The following NECAP2 variants were observed in gnomAD, a reference collection of about 807,000 sequenced individuals.
The protein encoded by NECAP2 is NECAP endocytosis associated 2.
A neutral mutation model predicts 37.8 loss-of-function variants in NECAP2; 38 were observed. The ratio of observed to expected loss-of-function variants is 1.01; its 90% confidence interval spans 0.78 to 1.32. The LOEUF (loss-of-function observed/expected upper bound fraction) is 1.32. NECAP2 is among the 40% of genes most tolerant of loss of function. The pLI, the probability that NECAP2 is intolerant of heterozygous loss-of-function variation, is 0.00. For missense variants in NECAP2, 316 were observed against 334.5 expected (o/e 0.94, Z 0.43); for synonymous variants, 121 against 127.7 (o/e 0.95, Z 0.35).
In NECAP2 at chr1:16,458,841, G is replaced by C. The variant is rs778634314; in HGVS notation, c.744-1G>C. On this transcript the variant is annotated splice_acceptor_variant, in intron 7 of 7. Coordinates refer to ENST00000337132, the MANE Select transcript of NECAP2 (RefSeq NM_018090.5). LOFTEE classifies it high-confidence loss of function. ...CACCCTTCCCTGTCTTCTCTTTACAGATCAACTTCCAGCCAGACCCAGCCA... is the reference window on the plus strand; with the variant it reads ...CACCCTTCCCTGTCTTCTCTTTACACATCAACTTCCAGCCAGACCCAGCCA... 1.2e-6 allele frequency: 2 copies of C among 1,613,394 alleles called. No individual in the cohort carries two copies. Among genetic ancestry groups the C allele is most frequent in the South Asian group, 1.1e-5 (1 of 91,002 alleles).
rs553360398 is a variant in NECAP2 at position 16,448,130 on chromosome 1, G to A, written c.369G>A (p.Gln123=). The change falls in exon 4 of 8, where the codon CAG becomes CAA. Residue 123 remains glutamine, a synonymous_variant. Transcript: ENST00000337132. The part of the protein sequence containing the change: ...GDAFDFNVAL[Q]DHFKWVKQQC... ...CCTTTGACTTCAATGTTGCATTGCA[G>A]GACCATTTCAAGTGAGTGGGTCTGG... The A allele has an allele frequency of 8.7e-6, 14 of 1,614,068 alleles. No individual in the cohort carries two copies. In the East Asian group the frequency reaches 3.1e-4, roughly 36 times the overall value.
chr1:16,440,954 G>T, intron 1 of NECAP2, 101 bp downstream of exon 1: 1 of 927,338 alleles, frequency 1.1e-6, no homozygotes, highest in Non-Finnish European at 1.7e-6. Context: ...GGCCAGTTTT[G>T]GGGCGAGGGG....
intron 1 of NECAP2, among the ~76,000 whole-genome samples, chr1:16,442,175 T>C (rs1363901531): frequency 2.0e-5 from 3 of 152,092 alleles, no homozygotes; most frequent in Non-Finnish European, 4.4e-5. Flanking sequence ...ATGAGATTTC[T>C]CCATGTTGGT....
chr1:16,455,385 T>C (rs2086901920), intron 6 of NECAP2: 1 of 177,112 alleles, frequency 5.6e-6, no homozygotes, highest in African/African-American at 2.3e-5. Flanking sequence ...CATCCAGACA[T>C]GGTAGTGCAG....
rs1028058171 is a variant in NECAP2, at chr1:16,448,385, A to C, written c.380+244A>C. 9.1e-6 allele frequency: 5 copies of C among 551,174 alleles called. No individual in the cohort carries two copies. In the African/African-American group the frequency reaches 9.5e-5, roughly 10 times the overall value. 34.1% of individuals were successfully genotyped at this position (551,174 alleles called of 1,614,324 possible). A position where few individuals can be genotyped will look rare whatever the true frequency, so the allele number is the denominator to read the frequency against. Reference sequence around the variant, plus strand: ...GGCCTGCCACCTGTCTCCCCTTACCAGTCCCCTGAGCAGCCAGAGTCCTCA... The same window carrying C: ...GGCCTGCCACCTGTCTCCCCTTACCCGTCCCCTGAGCAGCCAGAGTCCTCA... On this transcript the variant is annotated intron_variant, in intron 4 of 7. Coordinates refer to ENST00000337132, the MANE Select transcript of NECAP2 (RefSeq NM_018090.5).
chr1:16,450,774 C>T (rs1408318039), intron 5 of NECAP2: 1 of 152,132 alleles, frequency 6.6e-6, no homozygotes, highest in Non-Finnish European at 1.5e-5. Flanking sequence ...ATGGACAAAC[C>T]CTGTCTCTAC....
chr1:16,456,567 C>G (rs1476968897), intron 7 of NECAP2, among the ~76,000 whole-genome samples: 3 of 152,220 alleles, frequency 2.0e-5, no homozygotes, highest in African/African-American at 7.2e-5. Context: ...GACCCAGGCT[C>G]CAGCCTCAGC....
chr1:16,443,872 T>G, intron 2 of NECAP2, 140 bp downstream of exon 2: 1 of 654,610 alleles, frequency 1.5e-6, no homozygotes, highest in African/African-American at 1.8e-5. Flanking sequence ...ACCTTTAAGC[T>G]GTACCATTCC....
chr1:16,459,500 A>G lies in NECAP2; in HGVS notation c.*610A>G, dbSNP rs1489796305. The G allele has an allele frequency of 2.0e-5, 3 of 152,406 alleles. No homozygotes were observed. In the East Asian group the frequency reaches 5.8e-4, roughly 29 times the overall value. 9.4% of individuals were successfully genotyped at this position (152,406 alleles called of 1,614,324 possible). ...CTGATCCGCACTAACTCATCTTTGC[A>G]AAAGGAACTGCTCCCTCGGCGTGCC... is the stretch of plus-strand genomic sequence containing the variant. On this transcript the variant is annotated 3_prime_UTR_variant, in exon 8 of 8. Transcript: ENST00000337132.
intron 6 of NECAP2, 165 bp from the exon 7 acceptor site, chr1:16,455,653 G>T: frequency 1.6e-6 from 1 of 618,096 alleles, no homozygotes; most frequent in East Asian, 2.8e-5. Flanking sequence ...GCAACTCAGG[G>T]TGTTTGGTTG....
intron 7 of NECAP2, among the ~76,000 whole-genome samples, chr1:16,456,737 TTC>T (rs2086926031): frequency 6.6e-6 from 1 of 152,186 alleles, no homozygotes; most frequent in East Asian, 1.9e-4. Context: ...CATTTTCTTT[TTC>T]TTTTCATGTT....
chr1:16,447,921 A>C lies in NECAP2; in HGVS notation c.245A>C (p.Glu82Ala). The C allele has an allele frequency of 6.2e-7, 1 of 1,614,068 alleles. No homozygotes were observed. Residue 82 changes from glutamate (E) to alanine (A), a missense_variant, in exon 3 of 8, where the codon GAG (glutamate) becomes GCG (alanine). By Grantham distance (107) the Glu-to-Ala change is moderately radical (BLOSUM62 -1). Around this residue, in one of 3 missense-constraint regions of NECAP2, gnomAD observed 81 missense variants for 124.2 expected, o/e 0.65. Coordinates refer to ENST00000337132, the MANE Select transcript of NECAP2 (RefSeq NM_018090.5). ...PVDQFPGTAV[E>A]SVTDSSRYFV... ...GATCAGTTTCCTGGCACAGCTGTGG[A>C]GAGTGTGACGGATTCCAGCAGGTAC...
In NECAP2 at chr1:16,443,727, C is replaced by T. The variant is rs1363648900; in HGVS notation, c.188C>T (p.Thr63Met). The T allele has an allele frequency of 3.1e-6, 5 of 1,611,168 alleles. No homozygotes were observed. Among genetic ancestry groups the T allele is most frequent in the African/African-American group, 1.3e-5 (1 of 74,872 alleles). Residue 63 changes from threonine (T) to methionine (M), a missense_variant, in exon 2 of 8, where the codon ACG (threonine) becomes ATG (methionine). This residue lies in a region of NECAP2 where 81 missense variants were observed against 124.2 expected (regional missense o/e 0.65). Coordinates refer to ENST00000337132, the MANE Select transcript of NECAP2 (RefSeq NM_018090.5). Reference sequence around the variant, plus strand: ...GCCTACATCAAGCTGGAGGACAGGACGTCAGGTAACCGGAAGGGAGGCTGC... The same window carrying T: ...GCCTACATCAAGCTGGAGGACAGGATGTCAGGTAACCGGAAGGGAGGCTGC... ...QMAYIKLEDR[T>M]SGELFAQAPV...
chr1:16,448,667 G>C (rs754275788), intron 4 of NECAP2, among the ~76,000 whole-genome samples: 1 of 152,078 alleles, frequency 6.6e-6, no homozygotes, highest in Non-Finnish European at 1.5e-5. Context: ...GGACTTTTGT[G>C]TTGCCCTCTA....
intron 2 of NECAP2, 42 bp from the exon 3 acceptor site, chr1:16,447,828 G>C (rs751851744): frequency 1.3e-6 from 2 of 1,547,786 alleles, no homozygotes; most frequent in African/African-American, 1.4e-5. Context: ...TTGGCTGGAA[G>C]GGGGCTCAGG....
chr1:16,455,753 G>A, intron 6 of NECAP2, 65 bp from the exon 7 acceptor site: 1 of 1,331,486 alleles, frequency 7.5e-7, no homozygotes, highest in Non-Finnish European at 1.1e-6. Context: ...GAAACAACCA[G>A]AAAGGTCTCT....
intron 1 of NECAP2, 66 bp downstream of exon 1, chr1:16,440,919 C>T (rs1570249379): frequency 7.1e-7 from 1 of 1,408,760 alleles, no homozygotes; most frequent in South Asian, 1.2e-5. Flanking sequence ...CGGACACACC[C>T]ACTGCGGGAA....
intron 2 of NECAP2, among the ~76,000 whole-genome samples, chr1:16,444,446 TAG>T (rs754055709): frequency 1.3e-5 from 2 of 152,166 alleles, no homozygotes; most frequent in African/African-American, 2.4e-5. Context: ...TGCAAAAGTT[TAG>T]AGAGAGAACT....
intron 5 of NECAP2, chr1:16,449,626 C>T (rs145150741): frequency 5.5e-6 from 1 of 180,600 alleles, no homozygotes; most frequent in Non-Finnish European, 1.2e-5. Flanking sequence ...TCATTTGCTG[C>T]CAGAGGTGGT....
Sources: gnomAD v4.1 joint callset for allele counts (sites outside exome capture counted in the v4.1 genomes callset) on GRCh38, gnomAD v4.1.1 for gene constraint, gnomAD v4.1.1 regional missense constraint, MANE v1.5 for transcripts, NCBI Gene and HGNC (gene_info 2026-07-23, HGNC 2026-07-21) for gene names.